The following NAALADL2 variants were observed in gnomAD, a reference collection of about 807,000 sequenced individuals.
NAALADL2 encodes the protein N-acetylated alpha-linked acidic dipeptidase like 2, also known as inactive N-acetylated-alpha-linked acidic dipeptidase-like protein 2.
A neutral mutation model predicts 87.2 loss-of-function variants in NAALADL2; 76 were observed. That is an observed-to-expected ratio of 0.87 (90% confidence interval 0.72 to 1.05). NAALADL2 has a LOEUF of 1.05. NAALADL2 is among the 50% of genes least tolerant of loss of function. The pLI is 0.00. For synonymous variants in NAALADL2, 354 were observed against 331.0 expected, an observed-to-expected ratio of 1.07 and a Z score of -0.75; for missense variants, 1,089 against 945.8, an observed-to-expected ratio of 1.15 and a Z score of -1.99.
intron 2 of NAALADL2, among the ~76,000 whole-genome samples, chr3:174,590,372 A>G (rs1215262550): frequency 1.3e-5 from 2 of 152,168 alleles, no homozygotes; most frequent in East Asian, 3.8e-4. Context: ...GCAATACATA[A>G]TATTTTAAAA....
At chr3:175,690,853 T>G (rs1736948515) in intron 11 of NAALADL2, among the ~76,000 whole-genome samples, 1 of 152,052 alleles carries the variant, frequency 6.6e-6, no homozygotes, top group Non-Finnish European at 1.5e-5. Context: ...GTGATAATAC[T>G]TTTTATGGAT....
intron 1 of NAALADL2, among the ~76,000 whole-genome samples, chr3:174,875,563 C>A (rs1252988627): frequency 6.6e-6 from 1 of 151,966 alleles, no homozygotes; most frequent in East Asian, 1.9e-4. Context: ...AAAGTTCTTT[C>A]TATATTTAAA....
At chr3:174,559,527 C>T (rs1248778118) in intron 2 of NAALADL2, among the ~76,000 whole-genome samples, 4 of 152,174 alleles carry the variant, frequency 2.6e-5, no homozygotes, top group Admixed American at 6.5e-5. Flanking sequence ...AGCCTCCACG[C>T]TGTGCCTTAG....
chr3:175,250,260 T>TGG (rs1168235020), intron 3 of NAALADL2, among the ~76,000 whole-genome samples: 1 of 96,138 alleles, frequency 1.0e-5, no homozygotes, highest in Non-Finnish European at 2.3e-5. Context: ...TTTCTGTGTG[T>TGG]GTGTGTGTGT....
intron 11 of NAALADL2, among the ~76,000 whole-genome samples, chr3:175,681,394 C>G (rs545461055): frequency 9.9e-5 from 15 of 152,068 alleles, no homozygotes; most frequent in Admixed American, 9.8e-4. Flanking sequence ...CATGGTATCT[C>G]TAATTTAAAC....
At chr3:175,176,952 AACAT>A (rs1360828956) in intron 2 of NAALADL2, among the ~76,000 whole-genome samples, 1 of 152,098 alleles carries the variant, frequency 6.6e-6, no homozygotes, top group Non-Finnish European at 1.5e-5. Flanking sequence ...TTGATACAGC[AACAT>A]TAAGAAACTA....
chr3:174,750,546 G>A (rs1338952665), intron 3 of NAALADL2, among the ~76,000 whole-genome samples: 1 of 152,020 alleles, frequency 6.6e-6, no homozygotes, highest in Non-Finnish European at 1.5e-5. Flanking sequence ...TGATTCTCCT[G>A]CTTCAACCTC....
At chr3:175,768,048 C>T (rs969539147) in intron 13 of NAALADL2, among the ~76,000 whole-genome samples, 50 of 152,166 alleles carry the variant, frequency 3.3e-4, no homozygotes, top group African/African-American at 1.0e-3. Flanking sequence ...TTAAAAGAAC[C>T]GGGACCTGAC....
intron 1 of NAALADL2, among the ~76,000 whole-genome samples, chr3:174,487,298 A>T (rs1056444168): frequency 6.6e-6 from 1 of 152,106 alleles, no homozygotes; most frequent in African/African-American, 2.4e-5. Flanking sequence ...TTTGCAACCT[A>T]GATGTCTCTA....
chr3:174,706,993 C>G (rs1730135200), intron 2 of NAALADL2, among the ~76,000 whole-genome samples: 1 of 152,256 alleles, frequency 6.6e-6, no homozygotes, highest in Admixed American at 6.5e-5. Flanking sequence ...ACGATATGAA[C>G]AGACACTTCT....
At chr3:175,035,329 C>T (rs7433602) in intron 1 of NAALADL2, among the ~76,000 whole-genome samples, 55,381 of 151,918 alleles carry the variant, frequency 0.36, 10,900 homozygotes, top group Middle Eastern at 0.51. Context: ...GATAGAAGGA[C>T]GAAGATAATT....
intron 4 of NAALADL2, among the ~76,000 whole-genome samples, chr3:175,320,943 T>G (rs1759775291): frequency 6.7e-6 from 1 of 150,000 alleles, no homozygotes; most frequent in Admixed American, 6.7e-5. Flanking sequence ...CTGAAACTAT[T>G]CCAATCAATA....
intron 10 of NAALADL2, among the ~76,000 whole-genome samples, chr3:175,621,932 C>T (rs1001245991): frequency 7.2e-5 from 11 of 152,142 alleles, no homozygotes; most frequent in African/African-American, 2.7e-4. Flanking sequence ...ATTGTAGCTA[C>T]AGAAATTGCT....
chr3:174,876,617 C>T (rs1560311794), intron 1 of NAALADL2, among the ~76,000 whole-genome samples: 2 of 152,184 alleles, frequency 1.3e-5, no homozygotes, highest in African/African-American at 4.8e-5. Flanking sequence ...CCACCCTCCT[C>T]TTTAGTTTTT....
Position 174,797,298 on chromosome 3 carries a change from C to CTTTTT in NAALADL2, c.-9+59554_-9+59558dup, listed in dbSNP as rs765233495. Among the ~76,000 whole-genome samples the CTTTTT allele has an allele frequency of 4.1e-3, 400 of 97,600 alleles. 29 individuals are homozygous for CTTTTT. Among genetic ancestry groups the CTTTTT allele is most frequent in the African/African-American group, 8.2e-3 (172 of 21,054 alleles). 64.0% of individuals were successfully genotyped at this position (97,600 alleles called of 152,430 possible). ...CTGGGATCTTTTTTCTTTTGTTTTTCTTTTTTCTTTTTTTTTTTTTTTTTT... is the reference window on the plus strand; with the variant it reads ...CTGGGATCTTTTTTCTTTTGTTTTTCTTTTTTTTTTTCTTTTTTTTTTTTTTTTTT... On this transcript the variant is annotated intron_variant, in intron 3 of 3. Transcript: ENST00000434257.
intron 2 of NAALADL2, among the ~76,000 whole-genome samples, chr3:174,714,419 C>A (rs1195539981): frequency 6.6e-6 from 1 of 152,234 alleles, no homozygotes; most frequent in South Asian, 2.1e-4. Context: ...GATTTTGATT[C>A]TTCCTACCCA....
chr3:175,244,704 C>T (rs943086432), intron 3 of NAALADL2, among the ~76,000 whole-genome samples: 2 of 152,118 alleles, frequency 1.3e-5, no homozygotes, highest in African/African-American at 4.8e-5. Flanking sequence ...GGACTATGTA[C>T]TTACTGCCGT....
At chr3:175,712,850 A>G (rs1740715049) in intron 11 of NAALADL2, among the ~76,000 whole-genome samples, 1 of 152,086 alleles carries the variant, frequency 6.6e-6, no homozygotes, top group South Asian at 2.1e-4. Context: ...ACTCTAAAAT[A>G]TTCTGGAGCT....
intron 12 of NAALADL2, among the ~76,000 whole-genome samples, chr3:175,751,445 A>T (rs1301015683): frequency 6.6e-6 from 1 of 152,120 alleles, no homozygotes; most frequent in Non-Finnish European, 1.5e-5. Context: ...TATTTTTTCC[A>T]TGCCTTTAAA....
Sources: gnomAD v4.1 joint callset for allele counts (sites outside exome capture counted in the v4.1 genomes callset) on GRCh38, gnomAD v4.1.1 for gene constraint, MANE v1.5 for transcripts, NCBI Gene and HGNC (gene_info 2026-07-23, HGNC 2026-07-21) for gene names.